Variants in PALS2 observed in about 807,000 individuals in gnomAD.
The protein encoded by PALS2 is protein associated with LIN7 2, MAGUK p55 family member, also known as protein PALS2.
Under a neutral mutation model 61.6 loss-of-function variants are expected in PALS2, and 27 were observed. The observed-to-expected ratio is 0.44, with a 90% CI of 0.32 to 0.60. The LOEUF (loss-of-function observed/expected upper bound fraction) is 0.60, where lower values mean the gene tolerates loss of function less well. Ranked by LOEUF, PALS2 falls within the 20% of genes least tolerant of loss-of-function variation. PALS2 has a pLI of 0.05. For missense variants in PALS2, 554 were observed against 639.4 expected (o/e 0.87, Z 1.44); for synonymous variants, 236 against 218.6 (o/e 1.08, Z -0.70).
intron 1 of PALS2, among the ~76,000 whole-genome samples, chr7:24,574,659 T>C (rs1432218687): frequency 2.0e-5 from 3 of 152,144 alleles, no homozygotes; most frequent in African/African-American, 7.2e-5. Context: ...TTGGAGAGTG[T>C]TGGAATTTTA....
At position 24,603,624 on chromosome 7, in the gene PALS2, G is replaced by T. The variant is rs189423277; in HGVS notation, c.-2-20042G>T. On this transcript the variant is annotated intron_variant, in intron 1 of 11. Transcript: ENST00000222644. ...GAAGTCTTAAAAGCTTGAGGTTTTT[G>T]AACACAGCCGTTGCTGATTTGTCCA... 3.8e-3 allele frequency among the ~76,000 whole-genome samples: 572 copies of T among 152,286 alleles called. 2 individuals carry two copies. The highest frequency in any genetic ancestry group is 5.7e-3 in the Non-Finnish European group (386 of 68,010).
At chr7:24,656,722 A>T (rs971178078) in intron 5 of PALS2, among the ~76,000 whole-genome samples, 6 of 151,924 alleles carry the variant, frequency 3.9e-5, no homozygotes, top group Admixed American at 1.3e-4. Flanking sequence ...TTGTAGAGAC[A>T]GGGTTTCGCT....
Position 24,649,767 on chromosome 7 carries a change from G to T in PALS2, c.423+3G>T. 1 of 1,599,988 alleles carries T rather than the reference G, an allele frequency of 6.3e-7. No individual in the cohort carries two copies. Among genetic ancestry groups the T allele is most frequent in the South Asian group, 1.1e-5 (1 of 88,680 alleles). On this transcript the variant is annotated splice_donor_region_variant and intron_variant, in intron 4 of 11. Transcript: ENST00000222644. ...ACAAAAGAGCTGGGGAACCACTGGT[G>T]AGTACAGATAAATCAGTACCCTATT...
chr7:24,616,046 C>A (rs1241102889), intron 1 of PALS2, among the ~76,000 whole-genome samples: 1 of 151,986 alleles, frequency 6.6e-6, no homozygotes, highest in African/African-American at 2.4e-5. Context: ...AGAAATGTAC[C>A]TTAACAAAAT....
chr7:24,608,440 C>T (rs958986210), intron 1 of PALS2, among the ~76,000 whole-genome samples: 4 of 152,010 alleles, frequency 2.6e-5, no homozygotes, highest in Non-Finnish European at 4.4e-5. Context: ...TTATTCTATT[C>T]TTGTCTTATG....
Position 24,650,533 on chromosome 7 carries a change from C to T in PALS2, c.472C>T (p.Leu158Phe). 1 of 1,612,842 alleles carries T rather than the reference C, an allele frequency of 6.2e-7. No homozygotes were observed. Among genetic ancestry groups the T allele is most frequent in the African/African-American group, 1.3e-5 (1 of 74,958 alleles). Residue 158 changes from leucine (L) to phenylalanine (F), a missense_variant, in exon 5 of 12, where the codon CTC (leucine) becomes TTC (phenylalanine). Physicochemically the swap from Leu to Phe is conservative, Grantham distance 22. Coordinates refer to ENST00000222644, the MANE Select transcript of PALS2 (RefSeq NM_001303037.2). ...ENNDLVIARI[L>F]HGGMIDRQGL... ...TAATGATCTGGTAATTGCCCGAATC[C>T]TCCATGGGGGAATGATAGATCGACA...
At chr7:24,645,196 A>C (rs927115955) in intron 3 of PALS2, among the ~76,000 whole-genome samples, 1 of 152,070 alleles carries the variant, frequency 6.6e-6, no homozygotes, top group African/African-American at 2.4e-5. Context: ...TTTGTTGTGA[A>C]ATCTTTGACC....
intron 11 of PALS2, among the ~76,000 whole-genome samples, chr7:24,682,033 G>A (rs1787962755): frequency 6.6e-6 from 1 of 152,050 alleles, no homozygotes; most frequent in Non-Finnish European, 1.5e-5. Flanking sequence ...TTGCAATCCT[G>A]GGAACTTTCT....
At chr7:24,624,689 C>A (rs867731451) in intron 2 of PALS2, among the ~76,000 whole-genome samples, 27 of 149,096 alleles carry the variant, frequency 1.8e-4, no homozygotes, top group Admixed American at 8.7e-4. Flanking sequence ...TCACTGCAAC[C>A]TCTGCCTGCT....
chr7:24,609,260 C>T (rs1034489740), intron 1 of PALS2, among the ~76,000 whole-genome samples: 3 of 152,162 alleles, frequency 2.0e-5, no homozygotes, highest in Non-Finnish European at 2.9e-5. Context: ...CTCCTCCCCT[C>T]CTCCCACCAG....
chr7:24,662,268 T>C (rs1356363943), intron 5 of PALS2, among the ~76,000 whole-genome samples: 1 of 152,218 alleles, frequency 6.6e-6, no homozygotes, highest in Non-Finnish European at 1.5e-5. Flanking sequence ...ACAATACTTT[T>C]ACCACACTAA....
chr7:24,639,500 C>CT lies in PALS2; in HGVS notation c.118-2207dup, dbSNP rs560728137. Among the ~76,000 whole-genome samples, 277 of 150,604 alleles carry CT rather than the reference C, an allele frequency of 1.8e-3. 1 individual carries two copies. Among genetic ancestry groups the CT allele is most frequent in the Non-Finnish European group, 3.0e-3 (200 of 67,550 alleles). On this transcript the variant is annotated intron_variant, in intron 2 of 11. Coordinates refer to ENST00000222644, the MANE Select transcript of PALS2 (RefSeq NM_001303037.2). ...AATAGATGTTAAGGTTCTTTCCTTC[C>CT]TTTTTTTTTCCTTTGAAGCTTTCTT... is the stretch of plus-strand genomic sequence containing the variant.
rs913399034 is a variant in PALS2 at position 24,691,667 on chromosome 7, A to G, written c.*4053A>G. 6.6e-6 allele frequency: 1 copy of G among 151,736 alleles called. No homozygotes were observed. Among genetic ancestry groups the G allele is most frequent in the African/African-American group, 2.4e-5 (1 of 41,382 alleles). 9.4% of individuals were successfully genotyped at this position (151,736 alleles called of 1,614,324 possible). On this transcript the variant is annotated 3_prime_UTR_variant, in exon 12 of 12. Coordinates refer to ENST00000222644, the MANE Select transcript of PALS2 (RefSeq NM_001303037.2). ...AGAAACTCAGAAAGTAGTCATTATT[A>G]TAATAAATTTAATTTTCTTAGGGAA...
At chr7:24,635,278 T>TA (rs1785183505) in intron 2 of PALS2, among the ~76,000 whole-genome samples, 1 of 152,228 alleles carries the variant, frequency 6.6e-6, no homozygotes, top group African/African-American at 2.4e-5. Flanking sequence ...TTTTGTTAGT[T>TA]ATACTCCTAG....
At chr7:24,674,073 C>G (rs1324751763) in intron 9 of PALS2, among the ~76,000 whole-genome samples, 2 of 151,858 alleles carry the variant, frequency 1.3e-5, no homozygotes, top group Non-Finnish European at 2.9e-5. Flanking sequence ...AAATTGTAAT[C>G]CCGAATATGC....
Position 24,688,737 on chromosome 7 carries a change from T to A in PALS2, c.*1123T>A, listed in dbSNP as rs1788327777. On this transcript the variant is annotated 3_prime_UTR_variant, in exon 12 of 12. Transcript: ENST00000222644. ...CACAAAATATATACATTATATAATA[T>A]GTATATTATGTATTATATAATATAT... 1 of 149,402 alleles carries A rather than the reference T, an allele frequency of 6.7e-6. No homozygotes were observed. The highest frequency in any genetic ancestry group is 1.9e-4 in the East Asian group (1 of 5,160). The allele number at this position is 149,402 out of a possible 1,614,324, so 9.3% of individuals were successfully genotyped here. A position where few individuals can be genotyped will look rare whatever the true frequency, so the allele number is the denominator to read the frequency against.
intron 5 of PALS2, among the ~76,000 whole-genome samples, chr7:24,656,452 A>G (rs1786421376): frequency 6.6e-6 from 1 of 152,200 alleles, no homozygotes; most frequent in South Asian, 2.1e-4. Context: ...ACATGTGGAC[A>G]TACATAATAT....
intron 2 of PALS2, among the ~76,000 whole-genome samples, chr7:24,635,714 A>G (rs1785202757): frequency 6.6e-6 from 1 of 152,162 alleles, no homozygotes; most frequent in Non-Finnish European, 1.5e-5. Context: ...TTTTTTGCAT[A>G]AGATTTTATA....
At chr7:24,655,946 C>T (rs55940748) in intron 5 of PALS2, among the ~76,000 whole-genome samples, 9,269 of 149,866 alleles carry the variant, frequency 0.062, 325 homozygotes, top group African/African-American at 0.09. Flanking sequence ...ACCAAACATA[C>T]CTTCTTGTTA....
Sources: allele counts gnomAD v4.1 joint callset (sites outside exome capture counted in the v4.1 genomes callset), GRCh38; gene constraint gnomAD v4.1.1; transcripts MANE v1.5; gene names NCBI Gene and HGNC (gene_info 2026-07-23, HGNC 2026-07-21).